Variants in PSD3 observed in about 807,000 individuals in gnomAD.
The protein encoded by PSD3 is PH and SEC7 domain-containing protein 3.
In PSD3, 49 loss-of-function variants were observed where a neutral mutation model predicts 105.5. The ratio of observed to expected loss-of-function variants is 0.46; its 90% CI spans 0.37 to 0.59. The LOEUF is 0.59. Ranked by LOEUF, PSD3 falls within the 20% of genes least tolerant of loss-of-function variation. The probability of loss-of-function intolerance (pLI) is 0.00; values close to 1 mark genes in which losing one functional copy is unlikely to be tolerated. For missense variants in PSD3, 1,561 were observed against 1,263.8 expected (o/e 1.24, Z -3.57); for synonymous variants, 557 against 457.8 (o/e 1.22, Z -2.77).
At chr8:18,914,965 G>T (rs1026358047) in intron 2 of PSD3, among the ~76,000 whole-genome samples, 9 of 151,970 alleles carry the variant, frequency 5.9e-5, no homozygotes, top group African/African-American at 2.2e-4. Context: ...ACGAAACTAT[G>T]GTAACCAAAA....
intron 11 of PSD3, among the ~76,000 whole-genome samples, chr8:18,630,564 T>C (rs1806821885): frequency 6.6e-6 from 1 of 151,996 alleles, no homozygotes; most frequent in Admixed American, 6.6e-5. Context: ...ATGGGTTAAC[T>C]GTGCTATATA....
At chr8:18,991,339 CACACACACACACAT>C (rs1427450219) in intron 1 of PSD3, among the ~76,000 whole-genome samples, 1 of 87,916 alleles carries the variant, frequency 1.1e-5, no homozygotes, top group East Asian at 2.9e-4. Context: ...CAACAGAAAA[CACACACACACACAT>C]ACACACACAC....
intron 2 of PSD3, among the ~76,000 whole-genome samples, chr8:18,901,415 T>C (rs956203168): frequency 3.9e-5 from 6 of 152,220 alleles, no homozygotes; most frequent in Admixed American, 1.3e-4. Flanking sequence ...ATTTAATCCA[T>C]TGACATTCAA....
At chr8:18,876,426 AC>A (rs1215302270) in intron 2 of PSD3, among the ~76,000 whole-genome samples, 1 of 152,046 alleles carries the variant, frequency 6.6e-6, no homozygotes, top group Non-Finnish European at 1.5e-5. Context: ...TCACTCTGTC[AC>A]CCAGGCTGGA....
intron 9 of PSD3, among the ~76,000 whole-genome samples, chr8:18,706,551 G>C (rs999171462): frequency 2.0e-5 from 3 of 152,194 alleles, no homozygotes; most frequent in African/African-American, 4.8e-5. Context: ...AAGCCATATA[G>C]AAGAGCACTG....
chr8:18,571,416 A>G (rs984004545), intron 14 of PSD3, among the ~76,000 whole-genome samples: 1 of 151,940 alleles, frequency 6.6e-6, no homozygotes, highest in African/African-American at 2.4e-5. Flanking sequence ...ACTGCCTCTC[A>G]TCCTTTAAGC....
At chr8:18,971,680 T>C (rs1310428653) in intron 1 of PSD3, among the ~76,000 whole-genome samples, 1 of 151,914 alleles carries the variant, frequency 6.6e-6, no homozygotes, top group Non-Finnish European at 1.5e-5. Context: ...ATGTGGAAAA[T>C]AGGATTCGGA....
At chr8:18,998,701 A>G (rs1826214265) in intron 1 of PSD3, among the ~76,000 whole-genome samples, 1 of 151,908 alleles carries the variant, frequency 6.6e-6, no homozygotes, top group Admixed American at 6.6e-5. Flanking sequence ...AAAACAAAAA[A>G]CAAAAAAATG....
chr8:18,688,268 G>T (rs1800776848), intron 9 of PSD3, among the ~76,000 whole-genome samples: 1 of 151,942 alleles, frequency 6.6e-6, no homozygotes, highest in Non-Finnish European at 1.5e-5. Flanking sequence ...TTGTTTGTTT[G>T]TTTGTTTTGG....
At chr8:18,536,982 T>C (rs1452357441) in intron 15 of PSD3, among the ~76,000 whole-genome samples, 1 of 152,250 alleles carries the variant, frequency 6.6e-6, no homozygotes, top group Non-Finnish European at 1.5e-5. Context: ...AAATTCTGTT[T>C]TGACTATACA....
chr8:18,667,990 G>A (rs1434085005), intron 9 of PSD3, among the ~76,000 whole-genome samples: 3 of 152,220 alleles, frequency 2.0e-5, no homozygotes, highest in Non-Finnish European at 4.4e-5. Context: ...TGGGGCCCGC[G>A]GAAGCCACAC....
chr8:18,789,172 C>T lies in PSD3; in HGVS notation c.2082+10123G>A, dbSNP rs140605446. On this transcript the variant is annotated intron_variant, in intron 8 of 15. Transcript: ENST00000327040. ...TACCACAGCACAGTGGTTCTCAAAG[C>T]GTTTCAGAGATACTGTTCCAGATGT... 1.4e-3 allele frequency among the ~76,000 whole-genome samples: 220 copies of T among 152,268 alleles called. 1 individual carries two copies. Among genetic ancestry groups the T allele is most frequent in the African/African-American group, 5.1e-3 (210 of 41,556 alleles).
At chr8:19,036,451 T>C (rs1827946779) in intron 1 of PSD3, among the ~76,000 whole-genome samples, 1 of 152,126 alleles carries the variant, frequency 6.6e-6, no homozygotes, top group Non-Finnish European at 1.5e-5. Flanking sequence ...GCTGATATCA[T>C]ACAATTTAGA....
chr8:18,855,429 GA>G (rs1174726920), intron 4 of PSD3, among the ~76,000 whole-genome samples: 1 of 151,768 alleles, frequency 6.6e-6, no homozygotes, highest in Non-Finnish European at 1.5e-5. Flanking sequence ...ATAGAAAAAT[GA>G]AAAAAATAGG....
chr8:18,923,784 T>G (rs919112142), intron 2 of PSD3, among the ~76,000 whole-genome samples: 2 of 152,000 alleles, frequency 1.3e-5, no homozygotes, highest in Non-Finnish European at 2.9e-5. Context: ...TGTATATACT[T>G]CACAGTGTTA....
In PSD3 at chr8:19,012,623, C is replaced by A. The variant is rs530955118; in HGVS notation, c.21+940G>T. Reference sequence around the variant, plus strand: ...AGCCTACGCATAAGTCTCTCCCAGGCAAGCTCTCAAGCACGCTTCTTGAAA... The same window carrying A: ...AGCCTACGCATAAGTCTCTCCCAGGAAAGCTCTCAAGCACGCTTCTTGAAA... On this transcript the variant is annotated intron_variant, in intron 1 of 15. Coordinates refer to ENST00000327040, the MANE Select transcript of PSD3 (RefSeq NM_015310.4). Among the ~76,000 whole-genome samples, 11 of 152,310 alleles carry A rather than the reference C, an allele frequency of 7.2e-5. No homozygotes were observed. In the East Asian group the frequency reaches 1.5e-3, roughly 21 times the overall value.
chr8:18,613,612 T>C (rs768645610), intron 11 of PSD3, among the ~76,000 whole-genome samples: 50 of 152,206 alleles, frequency 3.3e-4, no homozygotes, highest in Non-Finnish European at 6.6e-4. Context: ...TCACATTCTC[T>C]ATGGCTAGAA....
intron 2 of PSD3, among the ~76,000 whole-genome samples, chr8:18,907,286 T>G (rs73202148): frequency 6.6e-6 from 1 of 152,170 alleles, no homozygotes; most frequent in Non-Finnish European, 1.5e-5. Context: ...GCTCCAAGCA[T>G]GGTAAATGCC....
At chr8:18,570,973 T>G (rs1163442064) in intron 14 of PSD3, among the ~76,000 whole-genome samples, 7 of 151,980 alleles carry the variant, frequency 4.6e-5, no homozygotes, top group Admixed American at 3.9e-4. Context: ...AGTTCTCCTG[T>G]GTCCACCTCC....
Sources: gnomAD v4.1 joint callset for allele counts (sites outside exome capture counted in the v4.1 genomes callset) on GRCh38, gnomAD v4.1.1 for gene constraint, MANE v1.5 for transcripts, NCBI Gene and HGNC (gene_info 2026-07-23, HGNC 2026-07-21) for gene names.